SST: variants seen among roughly 807,000 people sequenced by gnomAD.
The protein encoded by SST is growth hormone release-inhibiting factor.
In SST, 7 loss-of-function variants were observed where a neutral mutation model predicts 10.4. The ratio of observed to expected loss-of-function variants is 0.67; its 90% CI spans 0.38 to 1.26. The LOEUF is 1.26. Ranked by LOEUF, SST falls within the 50% of genes most tolerant of loss-of-function variation. The pLI is 0.02. For synonymous variants in SST, 63 were observed against 63.9 expected (o/e 0.99, Z 0.07); for missense variants, 145 against 140.8 (o/e 1.03, Z -0.15).
chr3:187,668,961 T>G lies in SST; in HGVS notation c.*104A>C. On this transcript the variant is annotated 3_prime_UTR_variant, in exon 2 of 2. Coordinates refer to ENST00000287641, the MANE Select transcript of SST (RefSeq NM_001048.4). ...TATTTTGTATTTACAGTTTTCAGTT[T>G]CTAATGCAAGGGTCTCGCTGAAGAC... is the stretch of plus-strand genomic sequence containing the variant. 9.6e-7 allele frequency: 1 copy of G among 1,045,324 alleles called. No individual in the cohort carries two copies. The highest frequency in any genetic ancestry group is 1.5e-6 in the Non-Finnish European group (1 of 686,422). The allele number at this position is 1,045,324 out of a possible 1,614,324, so 64.8% of individuals were successfully genotyped here.
intron 1 of SST, among the ~76,000 whole-genome samples, chr3:187,669,529 AAC>A (rs57361717): frequency 0.011 from 1,609 of 146,764 alleles, 27 homozygotes; most frequent in African/African-American, 0.022. Flanking sequence ...CTGTAGACTT[AAC>A]ACACACACAC....
rs1717179793 is a variant in SST at position 187,669,247 on chromosome 3, G to T, written c.169C>A (p.Leu57Met). Residue 57 changes from leucine to methionine, a missense_variant, in exon 2 of 2, where the codon CTG becomes ATG. Physicochemically the swap from Leu to Met is conservative, Grantham distance 15. Transcript: ENST00000287641. ...TTCTCCGTCTGGTTGGGTTCAGACAGCAGCTCTGCCAAGAAGTACTTGGCC... is the reference window on the plus strand; with the variant it reads ...TTCTCCGTCTGGTTGGGTTCAGACATCAGCTCTGCCAAGAAGTACTTGGCC... The part of the protein sequence containing the change: ...ELAKYFLAEL[L>M]SEPNQTENDA... 6.2e-7 allele frequency: 1 copy of T among 1,614,006 alleles called. No homozygotes were observed. Among genetic ancestry groups the T allele is most frequent in the African/African-American group, 1.3e-5 (1 of 75,022 alleles).
rs778157951 is a variant in SST at position 187,670,252 on chromosome 3, A to G, written c.40T>C (p.Ser14Pro). 17 of 1,594,616 alleles carry G rather than the reference A, an allele frequency of 1.1e-5. No individual in the cohort carries two copies. Among genetic ancestry groups the G allele is most frequent in the Non-Finnish European group, 1.3e-5 (15 of 1,170,638 alleles). ...CRLQCALAAL[S>P]IVLALGCVTG... ...ACACAGCCCAGGGCCAGGACGATGG[A>G]CAGCGCAGCCAGCGCGCACTGGAGG... Residue 14 changes from serine to proline, a missense_variant, in exon 1 of 2, where the codon TCC becomes CCC. Transcript: ENST00000287641.
intron 1 of SST, among the ~76,000 whole-genome samples, chr3:187,669,813 C>A (rs894465037): frequency 2.6e-5 from 4 of 152,158 alleles, no homozygotes; most frequent in Admixed American, 6.5e-5. Context: ...CAGAGGTCTG[C>A]GTTTCAGCAC....
Position 187,670,368 on chromosome 3 carries a change from C to T in SST, c.-77G>A. 1 of 1,476,414 alleles carries T rather than the reference C, an allele frequency of 6.8e-7. No homozygotes were observed. The highest frequency in any genetic ancestry group is 1.3e-5 in the South Asian group (1 of 78,482). The allele number at this position is 1,476,414 out of a possible 1,614,324, so 91.5% of individuals were successfully genotyped here. A position where few individuals can be genotyped will look rare whatever the true frequency, so the allele number is the denominator to read the frequency against. On this transcript the variant is annotated 5_prime_UTR_variant, in exon 1 of 2. Transcript: ENST00000287641. ...GGATCAGCAGGCAGCAGCGATGGCTCCGAACCTCGCTCCTAAAGCGGCTTG... is the reference window on the plus strand; with the variant it reads ...GGATCAGCAGGCAGCAGCGATGGCTTCGAACCTCGCTCCTAAAGCGGCTTG...
chr3:187,669,942 T>C (rs1242094001), intron 1 of SST, among the ~76,000 whole-genome samples: 1 of 152,172 alleles, frequency 6.6e-6, no homozygotes, highest in Non-Finnish European at 1.5e-5. Context: ...ACCTGAACTG[T>C]GACCGACTGC....
rs1287615345 is a variant in SST, at chr3:187,668,946, T to C, written c.*119A>G. 19 of 901,470 alleles carry C rather than the reference T, an allele frequency of 2.1e-5. No homozygotes were observed. The highest frequency in any genetic ancestry group is 3.2e-5 in the Non-Finnish European group (18 of 568,826). 55.8% of individuals were successfully genotyped at this position (901,470 alleles called of 1,614,324 possible). Reference sequence around the variant, plus strand: ...ATTTCACCATAATTTTATTTTGTATTTACAGTTTTCAGTTTCTAATGCAAG... The same window carrying C: ...ATTTCACCATAATTTTATTTTGTATCTACAGTTTTCAGTTTCTAATGCAAG... On this transcript the variant is annotated 3_prime_UTR_variant, in exon 2 of 2. Transcript: ENST00000287641.
At chr3:187,669,366 A>AT in intron 1 of SST, 89 bp from the exon 2 acceptor site, 2 of 1,287,482 alleles carry the variant, frequency 1.6e-6, no homozygotes, top group Non-Finnish European at 2.2e-6. Context: ...TAAAGAACAG[A>AT]TTTGGTCACA....
At chr3:187,669,998 T>C (rs1448712508) in intron 1 of SST, among the ~76,000 whole-genome samples, 156 bp downstream of exon 1, 1 of 152,136 alleles carries the variant, frequency 6.6e-6, no homozygotes, top group Non-Finnish European at 1.5e-5. Context: ...TTCTAGCCTT[T>C]GATAGTTTTC....
At chr3:187,670,117 C>T in intron 1 of SST, 37 bp downstream of exon 1, 1 of 1,564,718 alleles carries the variant, frequency 6.4e-7, no homozygotes, top group Non-Finnish European at 8.7e-7. Context: ...TTAGGGAGGG[C>T]TGGAGAATCC....
chr3:187,670,257 G>A lies in SST; in HGVS notation c.35C>T (p.Ala12Val), dbSNP rs1579766474. 4 of 1,592,880 alleles carry A rather than the reference G, an allele frequency of 2.5e-6. No individual in the cohort carries two copies. The highest frequency in any genetic ancestry group is 3.4e-6 in the Non-Finnish European group (4 of 1,169,758). ...LSCRLQCALA[A>V]LSIVLALGCV... The stretch of plus-strand genomic sequence containing the variant: ...GCCCAGGGCCAGGACGATGGACAGC[G>A]CAGCCAGCGCGCACTGGAGGCGGCA... Residue 12 changes from alanine (A) to valine (V), a missense_variant, in exon 1 of 2, where the codon GCG becomes GTG. Physicochemically the swap from Ala to Val is moderately conservative, Grantham distance 64. Coordinates refer to ENST00000287641, the MANE Select transcript of SST (RefSeq NM_001048.4).
rs961702090 is a variant in SST, at chr3:187,669,073, A to T, written c.343T>A (p.Ser115Thr). ...AATACTAGTTAAGAAAGCTAACAGGATGTGAAAGTCTTCCAGAAGAAATTC... is the reference window on the plus strand; with the variant it reads ...AATACTAGTTAAGAAAGCTAACAGGTTGTGAAAGTCTTCCAGAAGAAATTC... ...CKNFFWKTFT[S>T]C Residue 115 changes from serine to threonine, a missense_variant, in exon 2 of 2, where the codon TCC becomes ACC. Coordinates refer to ENST00000287641, the MANE Select transcript of SST (RefSeq NM_001048.4). The T allele has an allele frequency of 1.2e-6, 2 of 1,613,998 alleles. No homozygotes were observed. The highest frequency in any genetic ancestry group is 2.2e-5 in the South Asian group (2 of 91,050).
Position 187,670,221 on chromosome 3 carries a change from C to A in SST, c.71G>T (p.Gly24Val). ...ACGGAGTCTGGGGTCCGAGGGAGCG[C>A]CGGTGACACAGCCCAGGGCCAGGAC... ...SIVLALGCVT[G>V]APSDPRLRQF... Residue 24 changes from glycine (G) to valine (V), a missense_variant, in exon 1 of 2, where the codon GGC becomes GTC. By Grantham distance (109) the Gly-to-Val change is moderately radical. Coordinates refer to ENST00000287641, the MANE Select transcript of SST (RefSeq NM_001048.4). 6.3e-7 allele frequency: 1 copy of A among 1,595,806 alleles called. No individual in the cohort carries two copies. Among genetic ancestry groups the A allele is most frequent in the Non-Finnish European group, 8.5e-7 (1 of 1,171,438 alleles).
At position 187,669,271 on chromosome 3, in the gene SST, C is replaced by G; in HGVS notation, c.145G>C (p.Ala49Pro). 6.2e-7 allele frequency: 1 copy of G among 1,612,972 alleles called. No individual in the cohort carries two copies. The highest frequency in any genetic ancestry group is 8.5e-7 in the Non-Finnish European group (1 of 1,179,878). Residue 49 changes from alanine (A) to proline (P), a missense_variant, in exon 2 of 2, where the codon GCC becomes CCC. Coordinates refer to ENST00000287641, the MANE Select transcript of SST (RefSeq NM_001048.4). ...AGCAGCTCTGCCAAGAAGTACTTGG[C>G]CAGTTCCTGTATAGGGCAGAAGGGA... ...LAAAAGKQEL[A>P]KYFLAELLSE...
At chr3:187,669,368 T>C in intron 1 of SST, 91 bp from the exon 2 acceptor site, 2 of 1,276,766 alleles carry the variant, frequency 1.6e-6, no homozygotes, top group Non-Finnish European at 2.2e-6. Context: ...AAGAACAGAT[T>C]TGGTCACACA....
intron 1 of SST, among the ~76,000 whole-genome samples, chr3:187,669,801 T>TTCAGAGG (rs1239731080): frequency 6.6e-6 from 1 of 152,138 alleles, no homozygotes; most frequent in Admixed American, 6.5e-5. Flanking sequence ...AGGTAGCAGC[T>TTCAGAGG]TCAGAGGTCT....
chr3:187,670,226 G>GA lies in SST; in HGVS notation c.65dup (p.Thr23HisfsTer37). The stretch of plus-strand genomic sequence containing the variant: ...GTCTGGGGTCCGAGGGAGCGCCGGT[G>GA]ACACAGCCCAGGGCCAGGACGATGG... On this transcript the variant is annotated frameshift_variant, in exon 1 of 2. Transcript: ENST00000287641. LOFTEE classifies it high-confidence loss of function. 6.3e-7 allele frequency: 1 copy of GA among 1,596,358 alleles called. No individual in the cohort carries two copies. Among genetic ancestry groups the GA allele is most frequent in the South Asian group, 1.1e-5 (1 of 87,974 alleles).
At chr3:187,670,042 G>T (rs556719989) in intron 1 of SST, 112 bp downstream of exon 1, 1 of 1,213,818 alleles carries the variant, frequency 8.2e-7, no homozygotes, top group East Asian at 2.6e-5. Flanking sequence ...ACCCAGAAAA[G>T]CACCAAAACT....
chr3:187,669,248 C>A lies in SST; in HGVS notation c.168G>T (p.Leu56=). 5 of 1,613,754 alleles carry A rather than the reference C, an allele frequency of 3.1e-6. No individual in the cohort carries two copies. The highest frequency in any genetic ancestry group is 4.2e-6 in the Non-Finnish European group (5 of 1,179,990). The change falls in exon 2 of 2, where the codon CTG becomes CTT. Residue 56 remains leucine (L), a synonymous_variant. Transcript: ENST00000287641. The part of the protein sequence containing the change: ...QELAKYFLAE[L]LSEPNQTEND... ...TCTCCGTCTGGTTGGGTTCAGACAG[C>A]AGCTCTGCCAAGAAGTACTTGGCCA...
Sources: allele counts gnomAD v4.1 joint callset (sites outside exome capture counted in the v4.1 genomes callset), GRCh38; gene constraint gnomAD v4.1.1; transcripts MANE v1.5; gene names NCBI Gene and HGNC (gene_info 2026-07-23, HGNC 2026-07-21).